Variants in PRH1 observed in about 807,000 individuals in gnomAD.
PRH1 encodes the protein proline rich protein HaeIII subfamily 1, also known as salivary acidic proline-rich phosphoprotein 1/2.
A neutral mutation model predicts 7.9 loss-of-function variants in PRH1; 7 were observed. That is an observed-to-expected ratio of 0.89 (90% CI 0.50 to 1.67). The LOEUF (loss-of-function observed/expected upper bound fraction) is 1.67, where lower values mean the gene tolerates loss of function less well. Ranked by LOEUF, PRH1 falls within the 40% of genes most tolerant of loss-of-function variation. The pLI is 0.00. For synonymous variants in PRH1, 45 were observed against 80.8 expected (o/e 0.56, Z 2.38); for missense variants, 109 against 223.6 (o/e 0.49, Z 3.27).
At chr12:11,033,838 A>G (rs1359350737) in intron 1 of PRH1, among the ~76,000 whole-genome samples, 1 of 152,168 alleles carries the variant, frequency 6.6e-6, no homozygotes, top group Non-Finnish European at 1.5e-5. Context: ...TATAATGCGC[A>G]CTTAGAAATG....
upstream of PRH1, among the ~76,000 whole-genome samples, chr12:10,885,128 T>C (rs1320319353): frequency 6.6e-6 from 1 of 152,196 alleles, no homozygotes; most frequent in African/African-American, 2.4e-5. Flanking sequence ...ATAAATATTG[T>C]AATTGTCATC....
chr12:11,064,084 C>G (rs1943713731), intron 1 of PRH1, among the ~76,000 whole-genome samples: 1 of 152,076 alleles, frequency 6.6e-6, no homozygotes, highest in African/African-American at 2.4e-5. Context: ...ACACCAAACA[C>G]AACCTAGGTC....
At chr12:11,078,790 C>T (rs1371490622) in intron 1 of PRH1, 6 of 152,000 alleles carry the variant, frequency 3.9e-5, no homozygotes, top group African/African-American at 1.2e-4. Flanking sequence ...AGATTCTAAA[C>T]CTTTTATCAG....
At chr12:11,036,474 C>T (rs899720838) in intron 1 of PRH1, among the ~76,000 whole-genome samples, 2 of 152,186 alleles carry the variant, frequency 1.3e-5, no homozygotes, top group Non-Finnish European at 2.9e-5. Context: ...CTCTGTTTGA[C>T]AGTTTGGTCC....
chr12:11,152,219 C>T (rs1238646002), intron 1 of PRH1, among the ~76,000 whole-genome samples: 1 of 99,058 alleles, frequency 1.0e-5, no homozygotes, highest in Non-Finnish European at 2.3e-5. Flanking sequence ...TCTCCTAATG[C>T]TATCCCTCCC....
upstream of PRH1, chr12:11,048,786 T>C (rs1320635050): frequency 1.0e-5 from 3 of 301,422 alleles, no homozygotes; most frequent in Non-Finnish European, 2.0e-5. Flanking sequence ...TTCCTTCATA[T>C]TCTTTTGTCC....
chr12:11,057,353 C>A lies in PRH1; in HGVS notation n.124-10165G>T, dbSNP rs139689042. Among the ~76,000 whole-genome samples the A allele has an allele frequency of 2.6e-3, 399 of 152,290 alleles. 2 individuals are homozygous for A. The highest frequency in any genetic ancestry group is 9.1e-3 in the African/African-American group (380 of 41,544). On this transcript the variant is annotated intron_variant and non_coding_transcript_variant, in intron 1 of 4. Transcript: ENST00000541977. The stretch of plus-strand genomic sequence containing the variant: ...ACCTAGAGTTTTGTCTCATGTCCAT[C>A]CCAAGGTGGATCTAATCAGTTTGTA...
At chr12:10,932,339 CCTT>C (rs1950225987) in intron 2 of PRH1, 5 of 329,382 alleles carry the variant, frequency 1.5e-5, no homozygotes, top group Admixed American at 1.3e-4. Flanking sequence ...TATAGCATCT[CCTT>C]CTGAGTGTTT....
At chr12:11,128,049 T>C (rs1946194113) in intron 1 of PRH1, among the ~76,000 whole-genome samples, 2 of 143,780 alleles carry the variant, frequency 1.4e-5, no homozygotes, top group African/African-American at 5.1e-5. Context: ...AGGCGGAGCT[T>C]GCAGTGAGCC....
At chr12:10,884,720 G>A (rs553648525), upstream of PRH1, among the ~76,000 whole-genome samples, 42 of 152,212 alleles carry the variant, frequency 2.8e-4, no homozygotes, top group Admixed American at 7.9e-4. Context: ...ATGTGTGTGC[G>A]TGGATATTTT....
At chr12:11,118,289 T>C (rs567496448), downstream of PRH1, among the ~76,000 whole-genome samples, 16 of 152,244 alleles carry the variant, frequency 1.1e-4, no homozygotes, top group African/African-American at 3.1e-4. Flanking sequence ...CAAAACAAGA[T>C]ATACGAATGT....
intron 1 of PRH1, among the ~76,000 whole-genome samples, chr12:11,037,833 A>T (rs34685383): frequency 6.6e-6 from 1 of 152,136 alleles, no homozygotes; most frequent in Admixed American, 6.5e-5. Context: ...TGAGCACAAG[A>T]GTTCAAGCCC....
At chr12:11,030,451 C>G (rs1430679173) in intron 1 of PRH1, 1 of 1,614,212 alleles carries the variant, frequency 6.2e-7, no homozygotes, top group Non-Finnish European at 8.5e-7. Flanking sequence ...ACCTCACTTG[C>G]CGCAAAACTG....
intron 2 of PRH1, chr12:10,965,187 C>T: frequency 1.3e-6 from 2 of 1,486,504 alleles, no homozygotes; most frequent in South Asian, 1.1e-5. Context: ...AGCAAACCAA[C>T]TCTGGAGACT....
At chr12:11,146,325 A>G (rs1946859422) in intron 1 of PRH1, among the ~76,000 whole-genome samples, 1 of 152,138 alleles carries the variant, frequency 6.6e-6, no homozygotes, top group South Asian at 2.1e-4. Context: ...AAACTACTCT[A>G]AATGAGAAAA....
At chr12:11,133,731 T>C (rs765869567) in intron 1 of PRH1, 27 of 1,614,058 alleles carry the variant, frequency 1.7e-5, no homozygotes, top group African/African-American at 1.2e-4. Flanking sequence ...GAATGGTACA[T>C]TGCACTCCTC....
intron 1 of PRH1, chr12:10,997,588 G>T: frequency 6.2e-7 from 1 of 1,614,068 alleles, no homozygotes; most frequent in Non-Finnish European, 8.5e-7. Context: ...TAGCAAGCCA[G>T]ATGCTGAAAT....
At chr12:10,917,758 G>T (rs1440300159) in intron 2 of PRH1, among the ~76,000 whole-genome samples, 1 of 152,224 alleles carries the variant, frequency 6.6e-6, no homozygotes, top group Non-Finnish European at 1.5e-5. Flanking sequence ...TAGCAGGAAT[G>T]AACTCAAAAC....
intron 1 of PRH1, among the ~76,000 whole-genome samples, chr12:11,123,591 T>G (rs1945992178): frequency 6.6e-6 from 1 of 152,220 alleles, no homozygotes; most frequent in African/African-American, 2.4e-5. Context: ...TGTTCAACTT[T>G]GTATTTTCAG....
Sources: gnomAD v4.1 joint callset for allele counts (sites outside exome capture counted in the v4.1 genomes callset) on GRCh38, gnomAD v4.1.1 for gene constraint, MANE v1.5 for transcripts, NCBI Gene and HGNC (gene_info 2026-07-23, HGNC 2026-07-21) for gene names.